The following ADK variants were observed in gnomAD, a reference collection of about 807,000 sequenced individuals.
The protein encoded by ADK is adenosine kinase.
Under a neutral mutation model 44.7 loss-of-function variants are expected in ADK, and 24 were observed. That is an observed-to-expected ratio of 0.54 (90% confidence interval 0.39 to 0.76). The LOEUF (loss-of-function observed/expected upper bound fraction) is 0.76. Ranked by LOEUF, ADK falls within the 30% of genes least tolerant of loss-of-function variation. The pLI, the probability that ADK is intolerant of heterozygous loss-of-function variation, is 0.00. For missense variants in ADK, 321 were observed against 425.1 expected (o/e 0.76, Z 2.15); for synonymous variants, 128 against 142.6 (o/e 0.90, Z 0.73).
intron 1 of ADK, among the ~76,000 whole-genome samples, chr10:74,188,964 G>A (rs1001288488): frequency 7.2e-5 from 11 of 151,900 alleles, no homozygotes; most frequent in African/African-American, 2.7e-4. Context: ...GTAGAGACGG[G>A]GTTTTACCAT....
At chr10:74,320,694 G>A (rs1470612201) in intron 4 of ADK, among the ~76,000 whole-genome samples, 2 of 152,102 alleles carry the variant, frequency 1.3e-5, no homozygotes, top group Admixed American at 6.5e-5. Context: ...AGTAAGCAAA[G>A]CAGAAATAGA....
intron 10 of ADK, among the ~76,000 whole-genome samples, chr10:74,697,200 G>A (rs1215442999): frequency 6.6e-6 from 1 of 152,022 alleles, no homozygotes; most frequent in Non-Finnish European, 1.5e-5. Context: ...TGTATCTTTG[G>A]GAAAACAATT....
intron 4 of ADK, among the ~76,000 whole-genome samples, chr10:74,354,688 C>T (rs1160259460): frequency 2.6e-5 from 4 of 152,136 alleles, no homozygotes; most frequent in Non-Finnish European, 5.9e-5. Context: ...GTTCTGCCAA[C>T]CAAGTAACTA....
chr10:74,355,540 G>A (rs548824405), intron 4 of ADK, among the ~76,000 whole-genome samples: 1 of 152,260 alleles, frequency 6.6e-6, no homozygotes, highest in East Asian at 1.9e-4. Context: ...TTAATGCTTA[G>A]TATCTGCTAG....
At chr10:74,238,424 A>G (rs1845056847) in intron 3 of ADK, among the ~76,000 whole-genome samples, 1 of 152,190 alleles carries the variant, frequency 6.6e-6, no homozygotes, top group Non-Finnish European at 1.5e-5. Context: ...TTTCCTGGGA[A>G]CACAGGAACC....
chr10:74,573,627 G>A (rs1407807980), intron 7 of ADK, among the ~76,000 whole-genome samples: 1 of 152,326 alleles, frequency 6.6e-6, no homozygotes, highest in South Asian at 2.1e-4. Flanking sequence ...TACAGAGGCA[G>A]GCAGGCCTCC....
intron 7 of ADK, among the ~76,000 whole-genome samples, chr10:74,555,242 A>G (rs1850196285): frequency 6.6e-6 from 1 of 152,270 alleles, no homozygotes; most frequent in Non-Finnish European, 1.5e-5. Flanking sequence ...CTTGAGCAAC[A>G]GAGCAAGACC....
chr10:74,467,635 A>G (rs1003652167), intron 6 of ADK, among the ~76,000 whole-genome samples: 3 of 152,098 alleles, frequency 2.0e-5, no homozygotes, highest in African/African-American at 4.8e-5. Flanking sequence ...ATGGTAGTTG[A>G]TAATTAATAG....
intron 6 of ADK, among the ~76,000 whole-genome samples, chr10:74,475,033 G>A (rs1450267016): frequency 6.6e-6 from 1 of 152,034 alleles, no homozygotes; most frequent in Non-Finnish European, 1.5e-5. Flanking sequence ...GCTGAAGCAG[G>A]AGAATCGCTT....
At chr10:74,260,259 G>GT (rs1167109094) in intron 3 of ADK, among the ~76,000 whole-genome samples, 1 of 152,012 alleles carries the variant, frequency 6.6e-6, no homozygotes. Flanking sequence ...AGATTCTTTT[G>GT]TTTGTTTGTT....
At chr10:74,660,048 A>G (rs554034336) in intron 9 of ADK, among the ~76,000 whole-genome samples, 1 of 152,182 alleles carries the variant, frequency 6.6e-6, no homozygotes, top group Non-Finnish European at 1.5e-5. Context: ...TTATGTGCCA[A>G]CTTTTCCAAG....
At chr10:74,577,253 A>G (rs1851228098) in intron 7 of ADK, among the ~76,000 whole-genome samples, 1 of 151,814 alleles carries the variant, frequency 6.6e-6, no homozygotes, top group South Asian at 2.1e-4. Context: ...TTTACTTAAG[A>G]GACCTGTATT....
At chr10:74,453,526 C>G (rs1364563913) in intron 6 of ADK, among the ~76,000 whole-genome samples, 1 of 152,020 alleles carries the variant, frequency 6.6e-6, no homozygotes, top group Non-Finnish European at 1.5e-5. Flanking sequence ...TAGGTTTTCA[C>G]AAATTTAAGG....
At chr10:74,223,150 T>C (rs986693025) in intron 2 of ADK, among the ~76,000 whole-genome samples, 1 of 152,210 alleles carries the variant, frequency 6.6e-6, no homozygotes, top group Non-Finnish European at 1.5e-5. Context: ...GTCAAAGGGC[T>C]GCACTTGGTG....
chr10:74,440,074 TCCTATC>T (rs1222486169), intron 6 of ADK, among the ~76,000 whole-genome samples: 1 of 152,086 alleles, frequency 6.6e-6, no homozygotes, highest in Non-Finnish European at 1.5e-5. Flanking sequence ...AATATATTTT[TCCTATC>T]CCTATTTCCT....
At chr10:74,188,343 ATTTTTTT>A (rs765922880) in intron 1 of ADK, among the ~76,000 whole-genome samples, 1 of 81,368 alleles carries the variant, frequency 1.2e-5, no homozygotes, top group Admixed American at 1.6e-4. Flanking sequence ...TGTATTTTTA[ATTTTTTT>A]TTTTTTTTTT....
intron 6 of ADK, among the ~76,000 whole-genome samples, chr10:74,414,224 A>T (rs1443553045): frequency 3.9e-5 from 6 of 152,184 alleles, no homozygotes; most frequent in African/African-American, 1.4e-4. Flanking sequence ...AAAAAATAAT[A>T]AAAAGGTATC....
At chr10:74,297,538 A>T (rs1199355434) in intron 3 of ADK, among the ~76,000 whole-genome samples, 3 of 152,196 alleles carry the variant, frequency 2.0e-5, no homozygotes, top group Non-Finnish European at 4.4e-5. Context: ...TATAATACTC[A>T]TTAATTTATT....
intron 5 of ADK, among the ~76,000 whole-genome samples, chr10:74,396,460 G>A (rs1843512298): frequency 6.6e-6 from 1 of 152,144 alleles, no homozygotes; most frequent in Admixed American, 6.5e-5. Context: ...CTTGAGCCCA[G>A]GAGGTTGAGG....
Sources: gnomAD v4.1 joint callset for allele counts (sites outside exome capture counted in the v4.1 genomes callset) on GRCh38, gnomAD v4.1.1 for gene constraint, MANE v1.5 for transcripts, NCBI Gene and HGNC (gene_info 2026-07-23, HGNC 2026-07-21) for gene names.